Variants in RCSD1 observed in about 807,000 individuals in gnomAD.
The protein encoded by RCSD1 is capZ-interacting protein.
Under a neutral mutation model 42.5 loss-of-function variants are expected in RCSD1, and 26 were observed. The observed-to-expected ratio is 0.61, with a 90% CI of 0.45 to 0.85. The LOEUF (loss-of-function observed/expected upper bound fraction) is 0.85. Among genes scored for constraint, RCSD1 ranks in the 40% least tolerant of loss-of-function variants. RCSD1 has a pLI of 0.00. For synonymous variants in RCSD1, 220 were observed against 212.2 expected, an observed-to-expected ratio of 1.04 and a Z score of -0.32; for missense variants, 571 against 528.3, an observed-to-expected ratio of 1.08 and a Z score of -0.79.
intron 1 of RCSD1, chr1:167,633,545 G>A (rs529774597): frequency 6.6e-6 from 1 of 152,338 alleles, no homozygotes; most frequent in South Asian, 2.1e-4. Context: ...GGGTGAGTGG[G>A]AGCTGAAATC....
Position 167,707,142 on chromosome 1 carries a change from G to T in RCSD1, c.*2446G>T, listed in dbSNP as rs997419691. ...AGGGATCTGCCACTATTTAAAAGGG[G>T]ATTAGGATTCTGTTTCAGCTGCATG... On this transcript the variant is annotated 3_prime_UTR_variant, in exon 7 of 7. Coordinates refer to ENST00000367854, the MANE Select transcript of RCSD1 (RefSeq NM_052862.4). Among the ~76,000 whole-genome samples, 1 of 152,172 alleles carries T rather than the reference G, an allele frequency of 6.6e-6. No individual in the cohort carries two copies. Among genetic ancestry groups the T allele is most frequent in the Non-Finnish European group, 1.5e-5 (1 of 68,042 alleles).
At chr1:167,702,084 C>A (rs55651707) in intron 6 of RCSD1, among the ~76,000 whole-genome samples, 2,630 of 152,344 alleles carry the variant, frequency 0.017, 42 homozygotes, top group Non-Finnish European at 0.024. Flanking sequence ...CACCCGTTAT[C>A]CCTACCACTA....
At chr1:167,701,811 A>G (rs1416030045) in intron 6 of RCSD1, among the ~76,000 whole-genome samples, 1 of 152,208 alleles carries the variant, frequency 6.6e-6, no homozygotes, top group Non-Finnish European at 1.5e-5. Flanking sequence ...AAACCAGGTC[A>G]AGGTCAGAAT....
At chr1:167,647,130 C>CAAAAAA (rs5778560) in intron 1 of RCSD1, among the ~76,000 whole-genome samples, 1 of 112,554 alleles carries the variant, frequency 8.9e-6, no homozygotes, top group Admixed American at 9.3e-5. Context: ...AACTCCATCT[C>CAAAAAA]AAAAAAAAAG....
chr1:167,690,881 C>T (rs1441635360), intron 4 of RCSD1, among the ~76,000 whole-genome samples: 1 of 152,300 alleles, frequency 6.6e-6, no homozygotes, highest in East Asian at 1.9e-4. Flanking sequence ...ACCTCTCCAC[C>T]AGTAACCCTG....
chr1:167,662,568 G>T (rs186503252), intron 1 of RCSD1, among the ~76,000 whole-genome samples: 1 of 152,216 alleles, frequency 6.6e-6, no homozygotes. Context: ...CACCTCCTAG[G>T]CTATTTGAGC....
chr1:167,670,692 C>T (rs1484941904), intron 1 of RCSD1, among the ~76,000 whole-genome samples: 2 of 152,168 alleles, frequency 1.3e-5, no homozygotes, highest in Non-Finnish European at 2.9e-5. Context: ...TGGCAACTCA[C>T]CCTTTCTGAG....
chr1:167,705,503 TCTC>T lies in RCSD1; in HGVS notation c.*813_*815del, dbSNP rs1659737046. On this transcript the variant is annotated 3_prime_UTR_variant, in exon 7 of 7. Transcript: ENST00000367854. ...AGGAGGTTTCATGTCCCGCGTTGCA[TCTC>T]CTCCTGAAAGAAAAGCAGTGATACC... 1 of 152,084 alleles carries T rather than the reference TCTC, an allele frequency of 6.6e-6. No individual in the cohort carries two copies. The highest frequency in any genetic ancestry group is 1.5e-5 in the Non-Finnish European group (1 of 68,012). The allele number at this position is 152,084 out of a possible 1,614,324, so 9.4% of individuals were successfully genotyped here. A position where few individuals can be genotyped will look rare whatever the true frequency, so the allele number is the denominator to read the frequency against.
chr1:167,699,327 G>A (rs1194445184), intron 6 of RCSD1, among the ~76,000 whole-genome samples: 5 of 152,176 alleles, frequency 3.3e-5, no homozygotes, highest in Non-Finnish European at 7.3e-5. Context: ...TCAAAATTAA[G>A]TTGTTGGCTG....
At chr1:167,699,494 T>C (rs754882369) in intron 6 of RCSD1, among the ~76,000 whole-genome samples, 3 of 152,116 alleles carry the variant, frequency 2.0e-5, no homozygotes, top group Non-Finnish European at 4.4e-5. Flanking sequence ...ACCACTCCAG[T>C]CTCTGCCTCC....
intron 1 of RCSD1, among the ~76,000 whole-genome samples, chr1:167,648,273 CAT>C (rs1164067482): frequency 6.6e-6 from 1 of 152,210 alleles, no homozygotes; most frequent in Non-Finnish European, 1.5e-5. Flanking sequence ...TTACAAATAA[CAT>C]AGCTATAAAC....
At chr1:167,635,011 T>A (rs1027084965) in intron 1 of RCSD1, among the ~76,000 whole-genome samples, 1 of 152,166 alleles carries the variant, frequency 6.6e-6, no homozygotes, top group Non-Finnish European at 1.5e-5. Context: ...TGTGACCTAC[T>A]TTTTCATCCA....
At chr1:167,640,704 C>T (rs1657983957) in intron 1 of RCSD1, 1 of 152,312 alleles carries the variant, frequency 6.6e-6, no homozygotes, top group African/African-American at 2.4e-5. Flanking sequence ...CGTGCACCAC[C>T]ACACCCAGGT....
chr1:167,674,989 A>G (rs201234044), intron 1 of RCSD1, among the ~76,000 whole-genome samples: 2,079 of 152,110 alleles, frequency 0.014, 44 homozygotes, highest in African/African-American at 0.047. Context: ...GGTGAATCAC[A>G]AAGTCAGGAG....
chr1:167,705,709 C>T lies in RCSD1; in HGVS notation c.*1013C>T, dbSNP rs4537529. 1 of 152,158 alleles carries T rather than the reference C, an allele frequency of 6.6e-6. No homozygotes were observed. The highest frequency in any genetic ancestry group is 1.5e-5 in the Non-Finnish European group (1 of 68,036). The allele number at this position is 152,158 out of a possible 1,614,324, so 9.4% of individuals were successfully genotyped here. A position where few individuals can be genotyped will look rare whatever the true frequency, so the allele number is the denominator to read the frequency against. ...CTTTTCTTGACTCACAGCCCAGGTTCTTCTGCCCAACACAAAAGGAGTGAG... is the reference window on the plus strand; with the variant it reads ...CTTTTCTTGACTCACAGCCCAGGTTTTTCTGCCCAACACAAAAGGAGTGAG... On this transcript the variant is annotated 3_prime_UTR_variant, in exon 7 of 7. Coordinates refer to ENST00000367854, the MANE Select transcript of RCSD1 (RefSeq NM_052862.4).
chr1:167,678,770 C>T (rs1044678147), intron 1 of RCSD1, among the ~76,000 whole-genome samples: 1 of 152,166 alleles, frequency 6.6e-6, no homozygotes, highest in Admixed American at 6.5e-5. Flanking sequence ...TGTAGCTGGC[C>T]TCACACTACC....
intron 1 of RCSD1, among the ~76,000 whole-genome samples, chr1:167,660,661 A>G (rs1006967882): frequency 2.6e-5 from 4 of 152,126 alleles, no homozygotes; most frequent in Admixed American, 6.5e-5. Flanking sequence ...TTGTGTAGCA[A>G]TGGAGTCTCA....
rs1016112639 is a variant in RCSD1, at chr1:167,707,015, T to C, written c.*2319T>C. Among the ~76,000 whole-genome samples the C allele has an allele frequency of 6.6e-6, 1 of 152,194 alleles. No homozygotes were observed. The highest frequency in any genetic ancestry group is 2.4e-5 in the African/African-American group (1 of 41,456). On this transcript the variant is annotated 3_prime_UTR_variant, in exon 7 of 7. Transcript: ENST00000367854. ...TACAGCAACAGAGTTAAAGAAATAG[T>C]CATAGTCATTCTTCCACGATCTTTG...
chr1:167,637,009 G>C (rs980172968), intron 1 of RCSD1, among the ~76,000 whole-genome samples: 5 of 152,182 alleles, frequency 3.3e-5, no homozygotes, highest in African/African-American at 9.7e-5. Flanking sequence ...GTCTAAGAGG[G>C]GAGACAAACA....
Sources: allele counts gnomAD v4.1 joint callset (sites outside exome capture counted in the v4.1 genomes callset), GRCh38; gene constraint gnomAD v4.1.1; transcripts MANE v1.5; gene names NCBI Gene and HGNC (gene_info 2026-07-23, HGNC 2026-07-21).